Variants in GPD1L observed in about 807,000 individuals in gnomAD.
The protein encoded by GPD1L is glycerol-3-phosphate dehydrogenase 1-like protein.
A neutral mutation model predicts 32.9 loss-of-function variants in GPD1L; 17 were observed. The observed-to-expected ratio is 0.52, with a 90% CI of 0.35 to 0.78. GPD1L has a LOEUF of 0.78. Ranked by LOEUF, GPD1L falls within the 30% of genes least tolerant of loss-of-function variation. The pLI, the probability that GPD1L is intolerant of heterozygous loss-of-function variation, is 0.01. For synonymous variants in GPD1L, 187 were observed against 165.9 expected, an observed-to-expected ratio of 1.13 and a Z score of -0.98; for missense variants, 361 against 447.8, an observed-to-expected ratio of 0.81 and a Z score of 1.75.
chr3:32,144,996 G>T (rs1244142420), intron 4 of GPD1L, among the ~76,000 whole-genome samples: 1 of 150,994 alleles, frequency 6.6e-6, no homozygotes, highest in African/African-American at 2.4e-5. Flanking sequence ...GAGCCACCGC[G>T]CTGGCTTATG....
intron 4 of GPD1L, among the ~76,000 whole-genome samples, chr3:32,144,278 C>G (rs897492847): frequency 9.9e-5 from 15 of 152,100 alleles, no homozygotes; most frequent in African/African-American, 3.4e-4. Context: ...GCCTCAAAAT[C>G]CTGTCATGGT....
At chr3:32,143,707 G>C (rs776780781) in intron 4 of GPD1L, among the ~76,000 whole-genome samples, 1 of 152,170 alleles carries the variant, frequency 6.6e-6, no homozygotes, top group Non-Finnish European at 1.5e-5. Context: ...GCCAGGTGTG[G>C]TGGCGCACAC....
At chr3:32,112,760 C>T (rs1472234153) in intron 1 of GPD1L, among the ~76,000 whole-genome samples, 1 of 152,186 alleles carries the variant, frequency 6.6e-6, no homozygotes, top group Admixed American at 6.5e-5. Flanking sequence ...CATTCTATCT[C>T]CTTCTCTTCC....
In GPD1L at chr3:32,151,081, T is replaced by C. The variant is rs1328183149; in HGVS notation, c.618+4347T>C. On this transcript the variant is annotated intron_variant, in intron 5 of 7. Coordinates refer to ENST00000282541, the MANE Select transcript of GPD1L (RefSeq NM_015141.4). ...TCACACCCAGCCTATTTTTCACACC[T>C]ATTATGCATGAATTCATAGAGAATA... is the stretch of plus-strand genomic sequence containing the variant. The C allele has an allele frequency of 1.3e-5, 5 of 383,978 alleles. No individual in the cohort carries two copies. In the East Asian group the frequency reaches 3.6e-4, roughly 27 times the overall value. The allele number at this position is 383,978 out of a possible 1,614,324, so 23.8% of individuals were successfully genotyped here.
At chr3:32,111,781 G>A (rs1361499075) in intron 1 of GPD1L, among the ~76,000 whole-genome samples, 1 of 150,532 alleles carries the variant, frequency 6.6e-6, no homozygotes, top group Non-Finnish European at 1.5e-5. Context: ...GGCCCACTTT[G>A]CTCTGATGAC....
chr3:32,146,918 A>G (rs1330803090), intron 5 of GPD1L, among the ~76,000 whole-genome samples, 184 bp downstream of exon 5: 1 of 151,872 alleles, frequency 6.6e-6, no homozygotes, highest in East Asian at 1.9e-4. Context: ...TTCCTCTCTT[A>G]CTCGTGGCTT....
At chr3:32,153,726 A>G (rs1436915569) in intron 5 of GPD1L, among the ~76,000 whole-genome samples, 1 of 152,196 alleles carries the variant, frequency 6.6e-6, no homozygotes, top group East Asian at 1.9e-4. Context: ...TTGGGGAGGC[A>G]GTTCTTGCTG....
chr3:32,154,551 T>G (rs1700961454), intron 5 of GPD1L, among the ~76,000 whole-genome samples: 1 of 152,144 alleles, frequency 6.6e-6, no homozygotes, highest in Non-Finnish European at 1.5e-5. Context: ...TCACTGACCC[T>G]AGAGCAGCAC....
At chr3:32,130,937 C>T (rs1381206807) in intron 2 of GPD1L, among the ~76,000 whole-genome samples, 1 of 152,062 alleles carries the variant, frequency 6.6e-6, no homozygotes, top group African/African-American at 2.4e-5. Context: ...ATTGCCTGAA[C>T]CCAGGAGGCG....
chr3:32,139,434 A>G (rs1487566831), intron 3 of GPD1L, among the ~76,000 whole-genome samples: 2 of 152,226 alleles, frequency 1.3e-5, no homozygotes, highest in East Asian at 3.8e-4. Context: ...AACAGTGCAT[A>G]TATTACTTTA....
At chr3:32,126,277 T>C (rs377540760) in intron 1 of GPD1L, among the ~76,000 whole-genome samples, 1 of 152,204 alleles carries the variant, frequency 6.6e-6, no homozygotes, top group African/African-American at 2.4e-5. Flanking sequence ...TTGCTTCTGG[T>C]TGCAAATGTT....
At chr3:32,113,382 C>T (rs976802660) in intron 1 of GPD1L, among the ~76,000 whole-genome samples, 2 of 152,084 alleles carry the variant, frequency 1.3e-5, no homozygotes, top group African/African-American at 4.8e-5. Context: ...AGTCATGTCC[C>T]TTTGGACAGA....
chr3:32,110,702 G>A (rs981984604), intron 1 of GPD1L, among the ~76,000 whole-genome samples: 1 of 152,200 alleles, frequency 6.6e-6, no homozygotes, highest in African/African-American at 2.4e-5. Context: ...CTAGAGGAGG[G>A]GCCGTCATGC....
At chr3:32,118,747 T>C (rs1239515866) in intron 1 of GPD1L, among the ~76,000 whole-genome samples, 4 of 152,098 alleles carry the variant, frequency 2.6e-5, no homozygotes, top group African/African-American at 9.7e-5. Flanking sequence ...TCTGAAACTC[T>C]ATATTCATTA....
At chr3:32,113,932 C>A (rs1171631723) in intron 1 of GPD1L, among the ~76,000 whole-genome samples, 1 of 152,172 alleles carries the variant, frequency 6.6e-6, no homozygotes, top group Admixed American at 6.5e-5. Flanking sequence ...CAATGCATTG[C>A]AGCCTCAACC....
At position 32,159,094 on chromosome 3, in the gene GPD1L, C is replaced by G. The variant is rs376724853; in HGVS notation, c.837C>G (p.Phe279Leu). 6.2e-7 allele frequency: 1 copy of G among 1,613,460 alleles called. No individual in the cohort carries two copies. The highest frequency in any genetic ancestry group is 1.1e-5 in the South Asian group (1 of 91,082). ...GGRNRRVAEA[F>L]ARTGKTIEEL... ...GGAACCGCAGGGTGGCCGAGGCCTTCGCCAGAACTGGGAAGGTAGCCCCTC... is the reference window on the plus strand; with the variant it reads ...GGAACCGCAGGGTGGCCGAGGCCTTGGCCAGAACTGGGAAGGTAGCCCCTC... The change falls in exon 6 of 8, where the codon TTC (phenylalanine) becomes TTG (leucine). Residue 279 changes from phenylalanine to leucine, a missense_variant. Physicochemically the swap from Phe to Leu is conservative, Grantham distance 22. Coordinates refer to ENST00000282541, the MANE Select transcript of GPD1L (RefSeq NM_015141.4).
intron 7 of GPD1L, among the ~76,000 whole-genome samples, chr3:32,164,130 G>A (rs1701112212): frequency 6.6e-6 from 1 of 152,202 alleles, no homozygotes; most frequent in African/African-American, 2.4e-5. Flanking sequence ...CCAATTCTAG[G>A]TGAAAGGCTA....
chr3:32,164,345 G>A lies in GPD1L; in HGVS notation c.960-1469G>A, dbSNP rs549061004. On this transcript the variant is annotated intron_variant, in intron 7 of 7. Coordinates refer to ENST00000282541, the MANE Select transcript of GPD1L (RefSeq NM_015141.4). ...TCCAATCCACAGGAATTTATTCAAC[G>A]AATTCTCACGGAGCACCTGCCCCTT... Among the ~76,000 whole-genome samples the A allele has an allele frequency of 2.6e-5, 4 of 152,310 alleles. No homozygotes were observed. The East Asian group carries it at 7.7e-4, about 29-fold the overall frequency.
At chr3:32,141,249 C>CT (rs1425103684) in intron 4 of GPD1L, among the ~76,000 whole-genome samples, 1 of 151,946 alleles carries the variant, frequency 6.6e-6, no homozygotes, top group African/African-American at 2.4e-5. Flanking sequence ...ATACGTAGGA[C>CT]TTTTTAGGAT....
Sources: allele counts gnomAD v4.1 joint callset (sites outside exome capture counted in the v4.1 genomes callset), GRCh38; gene constraint gnomAD v4.1.1; transcripts MANE v1.5; gene names NCBI Gene and HGNC (gene_info 2026-07-23, HGNC 2026-07-21).